CNTNAP5: variants seen among roughly 807,000 people sequenced by gnomAD.
CNTNAP5 encodes the protein contactin-associated protein-like 5.
A neutral mutation model predicts 150.2 loss-of-function variants in CNTNAP5; 72 were observed. The ratio of observed to expected loss-of-function variants is 0.48; its 90% confidence interval spans 0.40 to 0.58. The LOEUF is 0.58. CNTNAP5 is among the 20% of genes least tolerant of loss of function. The pLI, the probability that CNTNAP5 is intolerant of heterozygous loss-of-function variation, is 0.00. For missense variants in CNTNAP5, 1,636 were observed against 1,626.2 expected (o/e 1.01, Z -0.10); for synonymous variants, 672 against 619.8 (o/e 1.08, Z -1.25).
At chr2:124,238,522 A>C (rs1686807647) in intron 2 of CNTNAP5, among the ~76,000 whole-genome samples, 1 of 152,152 alleles carries the variant, frequency 6.6e-6, no homozygotes, top group South Asian at 2.1e-4. Flanking sequence ...ACATTTAAAC[A>C]ATTCCAGATG....
intron 1 of CNTNAP5, among the ~76,000 whole-genome samples, chr2:124,035,138 T>C (rs974065303): frequency 6.6e-6 from 1 of 151,806 alleles, no homozygotes; most frequent in African/African-American, 2.4e-5. Context: ...AAGATTAGAA[T>C]TGCCATCCAC....
At chr2:124,632,543 G>C (rs534171835) in intron 12 of CNTNAP5, among the ~76,000 whole-genome samples, 1 of 152,024 alleles carries the variant, frequency 6.6e-6, no homozygotes, top group Admixed American at 6.6e-5. Flanking sequence ...GCACTTATTG[G>C]GGCCTGTTAG....
intron 3 of CNTNAP5, among the ~76,000 whole-genome samples, chr2:124,315,350 T>C (rs145976224): frequency 2.6e-5 from 4 of 152,238 alleles, no homozygotes; most frequent in African/African-American, 9.6e-5. Flanking sequence ...CTTGATTATA[T>C]AATATGTAAA....
At chr2:124,587,187 G>A (rs978096327) in intron 11 of CNTNAP5, among the ~76,000 whole-genome samples, 2 of 152,090 alleles carry the variant, frequency 1.3e-5, no homozygotes, top group Non-Finnish European at 2.9e-5. Flanking sequence ...CTATGATTTT[G>A]TCTTTAGTTC....
At chr2:124,647,312 A>G (rs1678223558) in intron 12 of CNTNAP5, among the ~76,000 whole-genome samples, 1 of 152,192 alleles carries the variant, frequency 6.6e-6, no homozygotes, top group Non-Finnish European at 1.5e-5. Context: ...TTCTCTGAAA[A>G]CATGCTAGTG....
Position 124,025,336 on chromosome 2 carries a change from C to T in CNTNAP5, c.-315C>T, listed in dbSNP as rs1680848549. 2 of 328,438 alleles carry T rather than the reference C, an allele frequency of 6.1e-6. No individual in the cohort carries two copies. Among genetic ancestry groups the T allele is most frequent in the Non-Finnish European group, 1.2e-5 (2 of 170,672 alleles). 20.3% of individuals were successfully genotyped at this position (328,438 alleles called of 1,614,324 possible). A position where few individuals can be genotyped will look rare whatever the true frequency, so the allele number is the denominator to read the frequency against. ...GGTGGATTTGGCTGTCCACCGAGCTCCGGCGCCTGTCGTTCTAATTGGGTT... is the reference window on the plus strand; with the variant it reads ...GGTGGATTTGGCTGTCCACCGAGCTTCGGCGCCTGTCGTTCTAATTGGGTT... On this transcript the variant is annotated 5_prime_UTR_variant, in exon 1 of 24. Coordinates refer to ENST00000682447, the MANE Select transcript of CNTNAP5 (RefSeq NM_001367498.1).
At chr2:124,755,605 G>A (rs758122919) in intron 14 of CNTNAP5, among the ~76,000 whole-genome samples, 2 of 152,104 alleles carry the variant, frequency 1.3e-5, no homozygotes, top group Non-Finnish European at 2.9e-5. Context: ...TTTCTACTCT[G>A]CCTGGGGCTG....
At chr2:124,686,858 C>T (rs564721992) in intron 13 of CNTNAP5, among the ~76,000 whole-genome samples, 11 of 152,120 alleles carry the variant, frequency 7.2e-5, no homozygotes, top group Non-Finnish European at 1.0e-4. Context: ...TATTGACTTC[C>T]GATACAAGTT....
At chr2:124,048,819 G>A (rs1681612870) in intron 1 of CNTNAP5, among the ~76,000 whole-genome samples, 1 of 152,138 alleles carries the variant, frequency 6.6e-6, no homozygotes, top group South Asian at 2.1e-4. Context: ...TAACCATTTT[G>A]GATGTCCTCA....
chr2:124,210,047 T>A (rs1685967547), intron 1 of CNTNAP5, among the ~76,000 whole-genome samples: 1 of 152,154 alleles, frequency 6.6e-6, no homozygotes, highest in Non-Finnish European at 1.5e-5. Flanking sequence ...AAGGGATATA[T>A]AGAAGCAAGG....
chr2:124,225,755 C>T (rs1558809124), intron 2 of CNTNAP5, among the ~76,000 whole-genome samples: 1 of 152,146 alleles, frequency 6.6e-6, no homozygotes, highest in Non-Finnish European at 1.5e-5. Flanking sequence ...CAAGTTTGTA[C>T]CTTGATCAAC....
At chr2:124,112,358 A>C (rs1683318254) in intron 1 of CNTNAP5, among the ~76,000 whole-genome samples, 1 of 152,100 alleles carries the variant, frequency 6.6e-6, no homozygotes, top group East Asian at 1.9e-4. Flanking sequence ...TGGAAGCATC[A>C]TATTTTCATA....
At chr2:124,787,647 G>A (rs72980449) in intron 17 of CNTNAP5, among the ~76,000 whole-genome samples, 6,545 of 151,070 alleles carry the variant, frequency 0.043, 502 homozygotes, top group African/African-American at 0.15. Context: ...CCTGCCCCAT[G>A]TCCCCCTCAC....
At position 124,139,662 on chromosome 2, in the gene CNTNAP5, CG is replaced by C. The variant is rs370614803; in HGVS notation, c.83-82041del. Among the ~76,000 whole-genome samples the C allele has an allele frequency of 2.4e-4, 37 of 152,248 alleles. 1 individual carries two copies. In the East Asian group the frequency reaches 6.8e-3, roughly 28 times the overall value. Reference sequence around the variant, plus strand: ...CTGATCTGTAATTATATCCTTCCTTCGGTCTCTCATTAGTGCACACTGTTGC... The same window carrying C: ...CTGATCTGTAATTATATCCTTCCTTCGTCTCTCATTAGTGCACACTGTTGC... On this transcript the variant is annotated intron_variant, in intron 1 of 23. Coordinates refer to ENST00000682447, the MANE Select transcript of CNTNAP5 (RefSeq NM_001367498.1).
chr2:124,233,790 T>TATAC (rs1394221783), intron 2 of CNTNAP5, among the ~76,000 whole-genome samples: 1 of 150,054 alleles, frequency 6.7e-6, no homozygotes, highest in Non-Finnish European at 1.5e-5. Flanking sequence ...TGAGTTTATA[T>TATAC]ATATATATAT....
intron 1 of CNTNAP5, among the ~76,000 whole-genome samples, chr2:124,133,049 C>T (rs1683892712): frequency 6.6e-6 from 1 of 152,118 alleles, no homozygotes; most frequent in Non-Finnish European, 1.5e-5. Context: ...TTGTAGAAGC[C>T]TGCCTGGTTT....
chr2:124,559,698 C>G (rs551653825), intron 10 of CNTNAP5, among the ~76,000 whole-genome samples: 1 of 152,084 alleles, frequency 6.6e-6, no homozygotes, highest in Non-Finnish European at 1.5e-5. Context: ...TCAGTTTATG[C>G]CACGTAGACA....
intron 21 of CNTNAP5, among the ~76,000 whole-genome samples, chr2:124,883,019 A>T (rs1463454973): frequency 6.6e-6 from 1 of 151,518 alleles, no homozygotes; most frequent in Non-Finnish European, 1.5e-5. Flanking sequence ...GTTTAAGATG[A>T]GGTTTGGTTG....
chr2:124,033,253 A>C (rs1681113655), intron 1 of CNTNAP5, among the ~76,000 whole-genome samples: 1 of 152,220 alleles, frequency 6.6e-6, no homozygotes, highest in African/African-American at 2.4e-5. Flanking sequence ...GTGAAGGGAA[A>C]TGCCAAAACA....
Sources: gnomAD v4.1 joint callset for allele counts (sites outside exome capture counted in the v4.1 genomes callset) on GRCh38, gnomAD v4.1.1 for gene constraint, MANE v1.5 for transcripts, NCBI Gene and HGNC (gene_info 2026-07-23, HGNC 2026-07-21) for gene names.